ARHGAP20: variants seen among roughly 807,000 people sequenced by gnomAD.
ARHGAP20 encodes the protein Rho GTPase activating protein 20.
Under a neutral mutation model 73.7 loss-of-function variants are expected in ARHGAP20, and 34 were observed. The observed-to-expected ratio is 0.46, with a 90% CI of 0.35 to 0.61. ARHGAP20 has a LOEUF of 0.61. Among genes scored for constraint, ARHGAP20 ranks in the 20% least tolerant of loss-of-function variants. ARHGAP20 has a pLI of 0.00. For synonymous variants in ARHGAP20, 523 were observed against 518.2 expected (o/e 1.01, Z -0.13); for missense variants, 1,314 against 1,420.9 (o/e 0.92, Z 1.21).
Position 110,580,220 on chromosome 11 carries a change from A to AC in ARHGAP20, c.2725dup (p.Val909GlyfsTer5). The AC allele has an allele frequency of 6.2e-7, 1 of 1,614,206 alleles. No individual in the cohort carries two copies. Among genetic ancestry groups the AC allele is most frequent in the East Asian group, 2.2e-5 (1 of 44,882 alleles). On this transcript the variant is annotated frameshift_variant, in exon 15 of 15. Transcript: ENST00000683387. LOFTEE classifies it low-confidence loss of function (END_TRUNC). ...TTGGTTTGTGGCACTACTCTTGCCC[A>AC]CCTCAATCCCCATGACTAAACTCTG...
At chr11:110,622,641 G>T (rs1004734813) in intron 4 of ARHGAP20, among the ~76,000 whole-genome samples, 16 of 152,040 alleles carry the variant, frequency 1.1e-4, no homozygotes, top group African/African-American at 2.9e-4. Flanking sequence ...CCATTTCTCA[G>T]TCTTTCTCTG....
intron 1 of ARHGAP20, among the ~76,000 whole-genome samples, chr11:110,696,809 T>G (rs1267681930): frequency 6.6e-6 from 1 of 151,758 alleles, no homozygotes; most frequent in African/African-American, 2.4e-5. Flanking sequence ...CACTTATTAG[T>G]GAGAATATGT....
At chr11:110,623,735 G>C (rs1948677102) in intron 4 of ARHGAP20, among the ~76,000 whole-genome samples, 1 of 152,136 alleles carries the variant, frequency 6.6e-6, no homozygotes, top group Non-Finnish European at 1.5e-5. Context: ...GATAAGACTT[G>C]AAAGCTCAAT....
intron 9 of ARHGAP20, among the ~76,000 whole-genome samples, chr11:110,598,847 C>T (rs1462359917): frequency 6.6e-6 from 1 of 152,056 alleles, no homozygotes; most frequent in African/African-American, 2.4e-5. Context: ...TGGCTGTGGA[C>T]CCTGGAATCC....
chr11:110,630,044 C>G (rs935433835), intron 3 of ARHGAP20, among the ~76,000 whole-genome samples: 4 of 152,182 alleles, frequency 2.6e-5, no homozygotes, highest in African/African-American at 7.2e-5. Flanking sequence ...CTTCTCTAAT[C>G]TTAATTCATC....
chr11:110,597,336 G>A (rs1316448737), intron 9 of ARHGAP20, among the ~76,000 whole-genome samples: 1 of 150,458 alleles, frequency 6.6e-6, no homozygotes, highest in Non-Finnish European at 1.5e-5. Context: ...CTTTTCTGAA[G>A]TCCAGGAAGG....
intron 2 of ARHGAP20, among the ~76,000 whole-genome samples, chr11:110,671,059 T>C (rs1308378031): frequency 6.6e-6 from 1 of 152,122 alleles, no homozygotes; most frequent in Non-Finnish European, 1.5e-5. Context: ...TTATTAGTTA[T>C]AACAAGTATA....
At chr11:110,618,428 T>C (rs948749108) in intron 4 of ARHGAP20, among the ~76,000 whole-genome samples, 1 of 152,248 alleles carries the variant, frequency 6.6e-6, no homozygotes, top group African/African-American at 2.4e-5. Context: ...CTGATTCTTA[T>C]AGACCATTGT....
At chr11:110,701,729 G>A (rs1950457162) in intron 1 of ARHGAP20, among the ~76,000 whole-genome samples, 1 of 152,220 alleles carries the variant, frequency 6.6e-6, no homozygotes, top group East Asian at 1.9e-4. Context: ...TAACGTTTAA[G>A]TCTTTAATCC....
chr11:110,656,519 A>C (rs988918979), intron 2 of ARHGAP20, among the ~76,000 whole-genome samples: 1 of 152,142 alleles, frequency 6.6e-6, no homozygotes, highest in Non-Finnish European at 1.5e-5. Context: ...TATTTGCCTG[A>C]GTCCTCTTAG....
chr11:110,692,976 A>G (rs561630324), intron 1 of ARHGAP20, among the ~76,000 whole-genome samples: 1 of 152,106 alleles, frequency 6.6e-6, no homozygotes, highest in African/African-American at 2.4e-5. Context: ...TATGAACCGC[A>G]AGTTAAGAAA....
chr11:110,640,215 T>C (rs1361652943), intron 2 of ARHGAP20, among the ~76,000 whole-genome samples: 2 of 152,070 alleles, frequency 1.3e-5, no homozygotes, highest in East Asian at 3.9e-4. Flanking sequence ...CTCTAATTTT[T>C]ACCTCTCTCT....
Position 110,704,710 on chromosome 11 carries a change from T to G in ARHGAP20, c.105+7417A>C, listed in dbSNP as rs145718089. ...AAGATCAACTCTATCCGAGTTTGTT[T>G]CAGAAAACTGTTGTAGTTGCCACTA... is the stretch of plus-strand genomic sequence containing the variant. On this transcript the variant is annotated intron_variant, in intron 1 of 14. Coordinates refer to ENST00000683387, the MANE Select transcript of ARHGAP20 (RefSeq NM_001384657.1). Among the ~76,000 whole-genome samples the G allele has an allele frequency of 3.9e-5, 6 of 152,270 alleles. No individual in the cohort carries two copies. The East Asian group carries it at 1.2e-3, about 29-fold the overall frequency.
At chr11:110,671,453 C>T (rs530767906) in intron 2 of ARHGAP20, among the ~76,000 whole-genome samples, 4 of 152,160 alleles carry the variant, frequency 2.6e-5, no homozygotes, top group African/African-American at 7.2e-5. Flanking sequence ...AAAGACAATA[C>T]GTCTGCTCTT....
At chr11:110,639,863 C>A (rs1477380600) in intron 2 of ARHGAP20, among the ~76,000 whole-genome samples, 2 of 151,956 alleles carry the variant, frequency 1.3e-5, no homozygotes. Context: ...TTGTTTCCAC[C>A]TTTTAGCTAT....
chr11:110,698,556 T>C (rs1283167351), intron 1 of ARHGAP20, among the ~76,000 whole-genome samples: 1 of 151,908 alleles, frequency 6.6e-6, no homozygotes, highest in Non-Finnish European at 1.5e-5. Context: ...TGGGCTTTTG[T>C]TGTTCTTGGA....
At chr11:110,689,065 C>T (rs550002140) in intron 2 of ARHGAP20, among the ~76,000 whole-genome samples, 140 of 147,562 alleles carry the variant, frequency 9.5e-4, no homozygotes, top group African/African-American at 3.2e-3. Flanking sequence ...GTGGCACGAT[C>T]TCGGCTCACT....
intron 4 of ARHGAP20, among the ~76,000 whole-genome samples, chr11:110,617,515 C>G (rs4754478): frequency 0.33 from 50,434 of 151,928 alleles, 8,926 homozygotes; most frequent in African/African-American, 0.44. Flanking sequence ...CACCCGCCTC[C>G]GCCTCCCAAA....
chr11:110,688,768 G>A (rs185212526), intron 2 of ARHGAP20, among the ~76,000 whole-genome samples: 65 of 152,050 alleles, frequency 4.3e-4, no homozygotes, highest in African/African-American at 1.5e-3. Context: ...TTGGCAGAAC[G>A]GCTTCCTAAT....
Sources: gnomAD v4.1 joint callset for allele counts (sites outside exome capture counted in the v4.1 genomes callset) on GRCh38, gnomAD v4.1.1 for gene constraint, MANE v1.5 for transcripts, NCBI Gene and HGNC (gene_info 2026-07-23, HGNC 2026-07-21) for gene names.